PDCD6: variants seen among roughly 807,000 people sequenced by gnomAD.
PDCD6 encodes programmed cell death protein 6.
Under a neutral mutation model 28.3 loss-of-function variants are expected in PDCD6, and 12 were observed. The ratio of observed to expected loss-of-function variants is 0.42; its 90% CI spans 0.27 to 0.69. The LOEUF (loss-of-function observed/expected upper bound fraction) is 0.69. PDCD6 is among the 30% of genes least tolerant of loss of function. The pLI, the probability that PDCD6 is intolerant of heterozygous loss-of-function variation, is 0.22. For missense variants in PDCD6, 226 were observed against 269.9 expected (o/e 0.84, Z 1.14); for synonymous variants, 92 against 108.0 (o/e 0.85, Z 0.92).
intron 2 of PDCD6, 72 bp downstream of exon 2, chr5:272,844 T>G: frequency 6.5e-7 from 1 of 1,546,020 alleles, no homozygotes; most frequent in Non-Finnish European, 8.7e-7. Flanking sequence ...AGTGGATAAC[T>G]TTCTGAAGTT....
intron 2 of PDCD6, among the ~76,000 whole-genome samples, chr5:298,644 C>CCAGCTTCTCCCACT (rs1739771414): frequency 1.3e-5 from 1 of 79,832 alleles, no homozygotes; most frequent in Admixed American, 1.3e-4. Context: ...GCTGCTCCCC[C>CCAGCTTCTCCCACT]CAGCTGCTCC....
rs1740557642 is a variant in PDCD6 at position 307,190 on chromosome 5, CGTT to C, written c.367+431_367+433del. On this transcript the variant is annotated intron_variant, in intron 4 of 5. Coordinates refer to ENST00000264933, the MANE Select transcript of PDCD6 (RefSeq NM_013232.4). The surrounding 1 kb of genome is among the most constrained non-coding windows in gnomAD (Gnocchi z 6.1). ...TCCAAACCGTGCGCCTCAGAAGGGG[CGTT>C]AGGCAGAACGCGTGCCCATTCTCAG... 6.6e-6 allele frequency among the ~76,000 whole-genome samples: 1 copy of C among 151,616 alleles called. No individual in the cohort carries two copies. The highest frequency in any genetic ancestry group is 2.4e-5 in the African/African-American group (1 of 40,940).
At chr5:302,395 C>CTGCTGTGTGTGTGTGTGTGTG (rs1740140296) in intron 2 of PDCD6, among the ~76,000 whole-genome samples, 2 of 76,172 alleles carry the variant, frequency 2.6e-5, no homozygotes, top group African/African-American at 2.4e-4. Flanking sequence ...GAGTGCTGCT[C>CTGCTGTGTGTGTGTGTGTGTG]TGTGTGTATG....
rs28435946 is a variant in PDCD6, at chr5:303,961, G to A, written c.164-216G>A. Among the ~76,000 whole-genome samples the A allele has an allele frequency of 2.1e-3, 321 of 150,570 alleles. 1 individual carries two copies. The highest frequency in any genetic ancestry group is 0.014 in the Middle Eastern group (4 of 292). On this transcript the variant is annotated intron_variant, in intron 2 of 5. Transcript: ENST00000264933. ...CGGCCTTGGAGGTCTGGGAGGCCAC[G>A]AAGGACTCCCACACACAGCAGGGTG...
chr5:312,991 G>A (rs910921308), intron 5 of PDCD6, among the ~76,000 whole-genome samples: 5 of 152,246 alleles, frequency 3.3e-5, no homozygotes, highest in African/African-American at 1.2e-4. Context: ...TCGGTAGCTG[G>A]AGTAACACAG....
In PDCD6 at chr5:275,414, C is replaced by T. The variant is rs539246497; in HGVS notation, c.163+2642C>T. Among the ~76,000 whole-genome samples the T allele has an allele frequency of 3.1e-4, 47 of 152,242 alleles. 1 individual carries two copies. The East Asian group carries it at 3.7e-3, about 12-fold the overall frequency. ...CCACCCCATTTCTCCTGGAGCTGCG[C>T]GTGTTCTCAGAAACTGTGGTGGCCG... On this transcript the variant is annotated intron_variant, in intron 2 of 5. Coordinates refer to ENST00000264933, the MANE Select transcript of PDCD6 (RefSeq NM_013232.4).
chr5:309,187 C>T (rs1265024950), intron 4 of PDCD6: 1 of 152,336 alleles, frequency 6.6e-6, no homozygotes, highest in Non-Finnish European at 1.5e-5. Flanking sequence ...AGGTCATGCT[C>T]CGCTTGGCTC....
chr5:296,978 G>T (rs1246098058), intron 2 of PDCD6, among the ~76,000 whole-genome samples: 4 of 152,162 alleles, frequency 2.6e-5, no homozygotes, highest in Admixed American at 2.0e-4. Context: ...GACCCCCCAC[G>T]CACACCGTGC....
rs1351429299 is a variant in PDCD6, at chr5:299,574, GAGTCTC to G, written c.164-4601_164-4596del. On this transcript the variant is annotated intron_variant, in intron 2 of 5. Coordinates refer to ENST00000264933, the MANE Select transcript of PDCD6 (RefSeq NM_013232.4). Reference sequence around the variant, plus strand: ...AGGTTTTTTTTTTTTCTTTAAGACAGAGTCTCACTTTGTCGCCCAGGCTGGAGTCCA... The same window carrying G: ...AGGTTTTTTTTTTTTCTTTAAGACAGACTTTGTCGCCCAGGCTGGAGTCCA... 4.7e-5 allele frequency among the ~76,000 whole-genome samples: 7 copies of G among 150,084 alleles called. No homozygotes were observed. The East Asian group carries it at 1.4e-3, about 30-fold the overall frequency.
At chr5:291,840 G>T (rs1579509572) in intron 2 of PDCD6, among the ~76,000 whole-genome samples, 2 of 152,364 alleles carry the variant, frequency 1.3e-5, no homozygotes, top group South Asian at 4.1e-4. Context: ...CCTGAGGACT[G>T]TGTTTTGTTG....
In PDCD6 at chr5:311,285, TCTTG is replaced by T; in HGVS notation, c.368-7_368-4del. ...AGCCTTCTCTGACTCTGACTTTCCC[TCTTG>T]AAGGCTACCGGCTCTCTGACCAGTT... is the stretch of plus-strand genomic sequence containing the variant. On this transcript the variant is annotated splice_polypyrimidine_tract_variant and splice_region_variant and intron_variant, in intron 4 of 5. Transcript: ENST00000264933. 1 of 1,611,410 alleles carries T rather than the reference TCTTG, an allele frequency of 6.2e-7. No individual in the cohort carries two copies.
chr5:302,108 G>GCA (rs1740107678), intron 2 of PDCD6, among the ~76,000 whole-genome samples: 1 of 108,746 alleles, frequency 9.2e-6, no homozygotes. Context: ...GTGTGTGTGT[G>GCA]CCTTGGGTTC....
At chr5:274,051 C>G (rs758767214) in intron 2 of PDCD6, among the ~76,000 whole-genome samples, 10 of 151,672 alleles carry the variant, frequency 6.6e-5, no homozygotes, top group Non-Finnish European at 1.3e-4. Context: ...TTTGGCAAAT[C>G]TCAGCTTAAA....
intron 2 of PDCD6, among the ~76,000 whole-genome samples, chr5:294,926 C>T (rs181293891): frequency 1.2e-4 from 19 of 152,222 alleles, no homozygotes; most frequent in Non-Finnish European, 1.9e-4. Flanking sequence ...AGTTTCGGTG[C>T]GCACAGGCCG....
At position 288,906 on chromosome 5, in the gene PDCD6, T is replaced by A. The variant is rs892947807; in HGVS notation, c.164-15271T>A. 4 of 1,573,638 alleles carry A rather than the reference T, an allele frequency of 2.5e-6. No individual in the cohort carries two copies. The African/African-American group carries it at 5.4e-5, about 21-fold the overall frequency. On this transcript the variant is annotated intron_variant, in intron 2 of 5. Coordinates refer to ENST00000264933, the MANE Select transcript of PDCD6 (RefSeq NM_013232.4). ...TTCCATGGATGATTCTGAAAGAATC[T>A]CTCCAGTTTTACTGGAATTAGATCC...
intron 2 of PDCD6, among the ~76,000 whole-genome samples, chr5:286,217 G>A (rs952455826): frequency 6.6e-6 from 1 of 150,900 alleles, no homozygotes; most frequent in African/African-American, 2.4e-5. Context: ...TTTGAGGGTG[G>A]TGCAGCTGGC....
Position 282,259 on chromosome 5 carries a change from G to A in PDCD6, c.163+9487G>A, listed in dbSNP as rs184377250. 4.3e-5 allele frequency among the ~76,000 whole-genome samples: 5 copies of A among 117,254 alleles called. No homozygotes were observed. In the Admixed American group the frequency reaches 4.3e-4, roughly 10 times the overall value. The allele number at this position is 117,254 out of a possible 152,430, so 76.9% of individuals were successfully genotyped here. On this transcript the variant is annotated intron_variant, in intron 2 of 5. Transcript: ENST00000264933. ...GCTGATGTTCTAATTTAAGGGTGGT[G>A]CAGCGGAAAAATCGGGGGGGGGGGA...
rs1258856315 is a variant in PDCD6 at position 296,105 on chromosome 5, A to G, written c.164-8072A>G. 2.0e-5 allele frequency among the ~76,000 whole-genome samples: 3 copies of G among 152,114 alleles called. No individual in the cohort carries two copies. The East Asian group carries it at 5.8e-4, about 29-fold the overall frequency. On this transcript the variant is annotated intron_variant, in intron 2 of 5. Coordinates refer to ENST00000264933, the MANE Select transcript of PDCD6 (RefSeq NM_013232.4). ...TGATGGTCAGTTTCCTAAGAAAGGA[A>G]CTCAAATAAGACAAATGTCACTTTC...
At chr5:300,076 A>T (rs146609968) in intron 2 of PDCD6, among the ~76,000 whole-genome samples, 1 of 152,130 alleles carries the variant, frequency 6.6e-6, no homozygotes. Flanking sequence ...GGAAGGGGTT[A>T]ACTCAGCGGG....
Sources: gnomAD v4.1 joint callset for allele counts (sites outside exome capture counted in the v4.1 genomes callset) on GRCh38, gnomAD v4.1.1 for gene constraint, Gnocchi (gnomAD v3.1) non-coding constraint, MANE v1.5 for transcripts, NCBI Gene and HGNC (gene_info 2026-07-23, HGNC 2026-07-21) for gene names.